RIMBP2: variants seen among roughly 807,000 people sequenced by gnomAD.
RIMBP2 encodes the protein RIMS-binding protein 2.
In RIMBP2, 48 loss-of-function variants were observed where a neutral mutation model predicts 118.6. The ratio of observed to expected loss-of-function variants is 0.40; its 90% CI spans 0.32 to 0.51. The LOEUF (loss-of-function observed/expected upper bound fraction) is 0.51. RIMBP2 is among the 20% of genes least tolerant of loss of function. The pLI is 0.41. For synonymous variants in RIMBP2, 762 were observed against 742.9 expected (o/e 1.03, Z -0.42); for missense variants, 1,551 against 1,768.3 (o/e 0.88, Z 2.20).
In RIMBP2 at chr12:130,523,715, G is replaced by A. The variant is rs554599363; in HGVS notation, c.-216-5798C>T. Among the ~76,000 whole-genome samples the A allele has an allele frequency of 2.7e-4, 41 of 152,280 alleles. No individual in the cohort carries two copies. Among genetic ancestry groups the A allele is most frequent in the Admixed American group, 9.2e-4 (14 of 15,298 alleles). Reference sequence around the variant, plus strand: ...CACTGAGTGTGTATGTGTCAGTACCGGGCTCAGCAGGGGGCCCTGAGTGAG... The same window carrying A: ...CACTGAGTGTGTATGTGTCAGTACCAGGCTCAGCAGGGGGCCCTGAGTGAG... On this transcript the variant is annotated intron_variant, in intron 2 of 22. Coordinates refer to ENST00000690449, the MANE Select transcript of RIMBP2 (RefSeq NM_001393629.1). This position sits in a 1 kb window ranked among gnomAD's most constrained non-coding sequence, Gnocchi z 4.4.
At chr12:130,664,463 A>ACG (rs1291316733) in intron 1 of RIMBP2, among the ~76,000 whole-genome samples, 13 of 88,560 alleles carry the variant, frequency 1.5e-4, no homozygotes, top group Non-Finnish European at 2.7e-4. Context: ...ACATGCACGC[A>ACG]CACACACGCA....
At chr12:130,448,353 C>T (rs2078714195) in intron 9 of RIMBP2, among the ~76,000 whole-genome samples, 1 of 152,162 alleles carries the variant, frequency 6.6e-6, no homozygotes, top group Non-Finnish European at 1.5e-5. Flanking sequence ...ATAGAAGTGG[C>T]AGGAACGCAA....
At chr12:130,687,620 A>C (rs2065117412) in intron 1 of RIMBP2, among the ~76,000 whole-genome samples, 1 of 152,178 alleles carries the variant, frequency 6.6e-6, no homozygotes, top group Non-Finnish European at 1.5e-5. Flanking sequence ...TAGATGAATA[A>C]ATACAAGTTG....
intron 4 of RIMBP2, among the ~76,000 whole-genome samples, chr12:130,502,415 A>T (rs2049889034): frequency 6.6e-6 from 1 of 151,822 alleles, no homozygotes; most frequent in African/African-American, 2.4e-5. Context: ...TCCGGGTTTC[A>T]TTTTTTACTT....
At chr12:130,626,247 C>A (rs2061614219) in intron 2 of RIMBP2, among the ~76,000 whole-genome samples, 1 of 152,186 alleles carries the variant, frequency 6.6e-6, no homozygotes, top group Non-Finnish European at 1.5e-5. Context: ...AAATAGGAAT[C>A]AGAGGACTGG....
At chr12:130,697,326 A>G (rs1413303954) in intron 1 of RIMBP2, among the ~76,000 whole-genome samples, 2 of 152,226 alleles carry the variant, frequency 1.3e-5, no homozygotes, top group Non-Finnish European at 2.9e-5. Flanking sequence ...GCTCAGGACC[A>G]GCCTGAGTAA....
At chr12:130,456,748 G>A in intron 6 of RIMBP2, 48 bp from the exon 7 acceptor site, 1 of 1,428,770 alleles carries the variant, frequency 7.0e-7, no homozygotes, top group Admixed American at 1.8e-5. Context: ...ATTTGGTGGT[G>A]GAAATGTGTG....
chr12:130,654,824 T>C (rs2063357143), intron 1 of RIMBP2, among the ~76,000 whole-genome samples: 1 of 152,112 alleles, frequency 6.6e-6, no homozygotes, highest in Non-Finnish European at 1.5e-5. Flanking sequence ...CTTCCAATCA[T>C]GGTGGAAGAC....
At chr12:130,468,913 G>C (rs1347467640) in intron 6 of RIMBP2, 2 of 152,170 alleles carry the variant, frequency 1.3e-5, no homozygotes, top group African/African-American at 4.8e-5. Flanking sequence ...ACCTCAGCGA[G>C]CATGGCGTTG....
In RIMBP2 at chr12:130,602,558, C is replaced by T. The variant is rs1042573454; in HGVS notation, c.-217+25764G>A. 6.6e-5 allele frequency among the ~76,000 whole-genome samples: 10 copies of T among 152,328 alleles called. No homozygotes were observed. In the East Asian group the frequency reaches 9.7e-4, roughly 15 times the overall value. On this transcript the variant is annotated intron_variant, in intron 2 of 22. Coordinates refer to ENST00000690449, the MANE Select transcript of RIMBP2 (RefSeq NM_001393629.1). ...CTGCTTCCCCAGGGACTCCTGTAAGCGTGGGATGGCTCCCGCCTTGTGTGC... is the reference window on the plus strand; with the variant it reads ...CTGCTTCCCCAGGGACTCCTGTAAGTGTGGGATGGCTCCCGCCTTGTGTGC...
chr12:130,588,815 T>C (rs1333723087), intron 2 of RIMBP2, among the ~76,000 whole-genome samples: 1 of 152,228 alleles, frequency 6.6e-6, no homozygotes, highest in East Asian at 1.9e-4. Context: ...CTTCCCTAAG[T>C]GTCTGCCAAG....
chr12:130,477,018 C>T (rs1421910857), intron 5 of RIMBP2, among the ~76,000 whole-genome samples: 3 of 152,204 alleles, frequency 2.0e-5, no homozygotes, highest in Non-Finnish European at 4.4e-5. Flanking sequence ...CAGACTTCCT[C>T]TTCTCATGCT....
intron 9 of RIMBP2, among the ~76,000 whole-genome samples, chr12:130,449,566 G>A (rs1054965706): frequency 2.6e-5 from 4 of 151,666 alleles, no homozygotes; most frequent in Non-Finnish European, 4.4e-5. Context: ...GGTGGGGATC[G>A]GGGCTCTGGA....
chr12:130,699,365 T>C (rs1218965389), intron 1 of RIMBP2, among the ~76,000 whole-genome samples: 2 of 152,150 alleles, frequency 1.3e-5, no homozygotes, highest in Non-Finnish European at 2.9e-5. Flanking sequence ...TAAGAAAATG[T>C]GGCACGTATA....
intron 4 of RIMBP2, among the ~76,000 whole-genome samples, chr12:130,498,705 A>C (rs1056992180): frequency 1.2e-4 from 18 of 151,990 alleles, no homozygotes; most frequent in Non-Finnish European, 2.2e-4. Context: ...TGAGGAGAGA[A>C]ATGTCTGGCC....
At chr12:130,601,577 T>C (rs1378050961) in intron 2 of RIMBP2, among the ~76,000 whole-genome samples, 1 of 152,134 alleles carries the variant, frequency 6.6e-6, no homozygotes, top group Non-Finnish European at 1.5e-5. Context: ...GAGACCTCAG[T>C]GTTTGGGGAG....
At chr12:130,438,924 G>A (rs1009341027) in intron 11 of RIMBP2, among the ~76,000 whole-genome samples, 11 of 152,148 alleles carry the variant, frequency 7.2e-5, no homozygotes, top group East Asian at 1.9e-4. Context: ...TTGGCAGATC[G>A]AATGGAAGAG....
At position 130,434,884 on chromosome 12, in the gene RIMBP2, G is replaced by T. The variant is rs1361556889; in HGVS notation, c.2107-4C>A. The T allele has an allele frequency of 6.2e-7, 1 of 1,600,552 alleles. No homozygotes were observed. Among genetic ancestry groups the T allele is most frequent in the Non-Finnish European group, 8.5e-7 (1 of 1,173,706 alleles). Reference sequence around the variant, plus strand: ...GGAAGACGCTCCTTTTCTCTAACTTGGAAAGAAAAAGGAGGCACACGGGTG... The same window carrying T: ...GGAAGACGCTCCTTTTCTCTAACTTTGAAAGAAAAAGGAGGCACACGGGTG... On this transcript the variant is annotated splice_region_variant and splice_polypyrimidine_tract_variant and intron_variant, in intron 13 of 22. Coordinates refer to ENST00000690449, the MANE Select transcript of RIMBP2 (RefSeq NM_001393629.1). The surrounding 1 kb of genome is among the most constrained non-coding windows in gnomAD (Gnocchi z 5.7).
chr12:130,655,524 G>A (rs751910750), intron 1 of RIMBP2, among the ~76,000 whole-genome samples: 6 of 152,108 alleles, frequency 3.9e-5, no homozygotes, highest in African/African-American at 7.2e-5. Context: ...CATAGAACAG[G>A]CCCCAAACCA....
Sources: gnomAD v4.1 joint callset for allele counts (sites outside exome capture counted in the v4.1 genomes callset) on GRCh38, gnomAD v4.1.1 for gene constraint, Gnocchi (gnomAD v3.1) non-coding constraint, MANE v1.5 for transcripts, NCBI Gene and HGNC (gene_info 2026-07-23, HGNC 2026-07-21) for gene names.